Variants in CSTB observed in about 807,000 individuals in gnomAD.
The protein encoded by CSTB is cystatin-B.
A neutral mutation model predicts 7.6 loss-of-function variants in CSTB; 8 were observed. The ratio of observed to expected loss-of-function variants is 1.05; its 90% CI spans 0.62 to 1.89. CSTB has a LOEUF of 1.89. CSTB is among the 40% of genes most tolerant of loss of function. The probability of loss-of-function intolerance (pLI) is 0.00; values close to 1 mark genes in which losing one functional copy is unlikely to be tolerated. For missense variants in CSTB, 124 were observed against 126.4 expected (o/e 0.98, Z 0.09); for synonymous variants, 56 against 55.3 (o/e 1.01, Z -0.06).
chr21:43,776,255 C>A lies in CSTB; in HGVS notation c.15G>T (p.Ala5=), dbSNP rs4533. Residue 5 remains alanine (A), a synonymous_variant, in exon 1 of 3, where the codon GCG becomes GCT. Transcript: ENST00000291568. The stretch of plus-strand genomic sequence containing the variant: ...CGGTGGCCGGCTGCGTGGCGGAGGG[C>A]GCCCCGCACATCATCTTGGCGGCGA... MMCG[A]PSATQPATAE... is the part of the protein sequence containing the mutation. 4,956 of 1,528,018 alleles carry A rather than the reference C, an allele frequency of 3.2e-3. 142 individuals are homozygous for A. In the African/African-American group the frequency reaches 0.056, roughly 17 times the overall value. The allele number at this position is 1,528,018 out of a possible 1,614,324, so 94.7% of individuals were successfully genotyped here.
At chr21:43,774,549 G>A (rs2084000738) in intron 2 of CSTB, 109 bp downstream of exon 2, 2 of 1,165,302 alleles carry the variant, frequency 1.7e-6, no homozygotes, top group Non-Finnish European at 2.6e-6. Context: ...TTATCTCAGG[G>A]GGCAGCCACA....
chr21:43,774,137 C>A lies in CSTB; in HGVS notation c.*65G>T. ...AGCTTATTTTAGGATCACAAGTGCA[C>A]GCTCTGGTAGACGGAGGATGACTTT... On this transcript the variant is annotated 3_prime_UTR_variant, in exon 3 of 3. Transcript: ENST00000291568. 1 of 1,608,382 alleles carries A rather than the reference C, an allele frequency of 6.2e-7. No homozygotes were observed. The highest frequency in any genetic ancestry group is 1.1e-5 in the South Asian group (1 of 90,834).
At chr21:43,775,088 T>C (rs1390080997) in intron 1 of CSTB, 1 of 371,240 alleles carries the variant, frequency 2.7e-6, no homozygotes, top group African/African-American at 2.1e-5. Context: ...CTGGGCGTGG[T>C]GGCGAGCACC....
chr21:43,776,064 A>AG, intron 1 of CSTB, 140 bp downstream of exon 1: 1 of 685,418 alleles, frequency 1.5e-6, no homozygotes, highest in South Asian at 2.3e-5. Context: ...GAGCGGAGGG[A>AG]GGCCTCTCAC....
chr21:43,775,803 T>C (rs1041318512), intron 1 of CSTB: 2 of 193,866 alleles, frequency 1.0e-5, no homozygotes, highest in Non-Finnish European at 2.1e-5. Flanking sequence ...ACCCGCTTGC[T>C]ATCGGATCAC....
At chr21:43,775,927 A>C in intron 1 of CSTB, 2 of 410,108 alleles carry the variant, frequency 4.9e-6, no homozygotes, top group Non-Finnish European at 8.6e-6. Context: ...GAGACTGTCC[A>C]TGCAGGGACC....
At chr21:43,776,011 G>GCCCCAGGCGCGGCC (rs2084008044) in intron 1 of CSTB, 193 bp downstream of exon 1, 1 of 488,864 alleles carries the variant, frequency 2.0e-6, no homozygotes, top group Non-Finnish European at 3.5e-6. Flanking sequence ...CCCCAGCGGC[G>GCCCCAGGCGCGGCC]CCCCAGGCGC....
At chr21:43,774,443 G>A in intron 2 of CSTB, 113 bp from the exon 3 acceptor site, 1 of 1,495,500 alleles carries the variant, frequency 6.7e-7, no homozygotes, top group Non-Finnish European at 9.3e-7. Context: ...CATGTGCAGG[G>A]GATGCCTCAC....
Position 43,774,257 on chromosome 21 carries a change from G to A in CSTB, c.242C>T (p.Thr81Ile). ...QSLPHENKPL[T>I]LSNYQTNKAK... is the part of the protein sequence containing the mutation. ...TTTGTTGGTCTGGTAGTTAGATAAG[G>A]TCAAGGGCTTGTTTTCATGAGGGAG... The change falls in exon 3 of 3, where the codon ACC becomes ATC. Residue 81 changes from threonine (T) to isoleucine (I), a missense_variant. Physicochemically the swap from Thr to Ile is moderately conservative, Grantham distance 89. Transcript: ENST00000291568. 2 of 1,614,206 alleles carry A rather than the reference G, an allele frequency of 1.2e-6. No individual in the cohort carries two copies. The highest frequency in any genetic ancestry group is 1.7e-6 in the Non-Finnish European group (2 of 1,180,030).
Position 43,774,685 on chromosome 21 carries a change from C to T in CSTB, c.141G>A (p.Val47=). The change falls in exon 2 of 3, where the codon GTG becomes GTA. Residue 47 remains valine (V), a synonymous_variant. Transcript: ENST00000291568. ...TGATGAAGTAGTTTGTCCCCGCGACCACCTGGCTCTTGAATGACACGGCCT... is the reference window on the plus strand; with the variant it reads ...TGATGAAGTAGTTTGTCCCCGCGACTACCTGGCTCTTGAATGACACGGCCT... ...VFKAVSFKSQ[V]VAGTNYFIKV... The T allele has an allele frequency of 6.2e-7, 1 of 1,614,172 alleles. No individual in the cohort carries two copies. The highest frequency in any genetic ancestry group is 8.5e-7 in the Non-Finnish European group (1 of 1,180,008).
Position 43,774,251 on chromosome 21 carries a change from GAT to G in CSTB, c.246_247del (p.Leu82PhefsTer2), listed in dbSNP as rs763450239. ...CTTGGCTTTGTTGGTCTGGTAGTTA[GAT>G]AAGGTCAAGGGCTTGTTTTCATGAG... is the stretch of plus-strand genomic sequence containing the variant. On this transcript the variant is annotated frameshift_variant, in exon 3 of 3. Transcript: ENST00000291568. LOFTEE classifies it low-confidence loss of function (END_TRUNC). 1 of 1,614,228 alleles carries G rather than the reference GAT, an allele frequency of 6.2e-7. No homozygotes were observed. Among genetic ancestry groups the G allele is most frequent in the Non-Finnish European group, 8.5e-7 (1 of 1,180,046 alleles).
Position 43,774,017 on chromosome 21 carries a change from G to A in CSTB, c.*185C>T, listed in dbSNP as rs2083997856. ...GTAATTAAGATCACCTATTGGGAAGGAAAGAAATCAACACAATGAAATTTA... is the reference window on the plus strand; with the variant it reads ...GTAATTAAGATCACCTATTGGGAAGAAAAGAAATCAACACAATGAAATTTA... On this transcript the variant is annotated 3_prime_UTR_variant, in exon 3 of 3. Transcript: ENST00000291568. 4.4e-6 allele frequency: 3 copies of A among 685,614 alleles called. No homozygotes were observed. The highest frequency in any genetic ancestry group is 1.7e-5 in the South Asian group (1 of 58,218). The allele number at this position is 685,614 out of a possible 1,614,324, so 42.5% of individuals were successfully genotyped here.
chr21:43,774,769 A>C lies in CSTB; in HGVS notation c.67-10T>G, dbSNP rs199873087. 6.8e-6 allele frequency: 11 copies of C among 1,607,434 alleles called. No individual in the cohort carries two copies. The Admixed American group carries it at 1.0e-4, about 15-fold the overall frequency. On this transcript the variant is annotated splice_polypyrimidine_tract_variant and intron_variant, in intron 1 of 2. Coordinates refer to ENST00000291568, the MANE Select transcript of CSTB (RefSeq NM_000100.4). ...CAAGCTGGGACCTCACCTAGACAGA[A>C]GGGACAGAATGAGGATGTCTCAGTG...
Position 43,774,730 on chromosome 21 carries a change from GTT to G in CSTB, c.94_95del (p.Asn32GlnfsTer7). 1 of 1,614,128 alleles carries G rather than the reference GTT, an allele frequency of 6.2e-7. No individual in the cohort carries two copies. Among genetic ancestry groups the G allele is most frequent in the Non-Finnish European group, 8.5e-7 (1 of 1,179,988 alleles). On this transcript the variant is annotated frameshift_variant, in exon 2 of 3. Coordinates refer to ENST00000291568, the MANE Select transcript of CSTB (RefSeq NM_000100.4). LOFTEE classifies it high-confidence loss of function. ...CGGCCTTAAACACAGGGAACTTCTT[GTT>G]TTCTTTCTCTTCAAGCTGGGACCTC... Reference protein sequence around the residue: ...QVRSQLEEKENKKFPVFKAVS... With the variant: ...QVRSQLEEKEXKKFPVFKAVS...
chr21:43,775,195 C>G, intron 1 of CSTB: 1 of 296,874 alleles, frequency 3.4e-6, no homozygotes, highest in Non-Finnish European at 6.6e-6. Flanking sequence ...TGCACTCCAC[C>G]CTGGGCAAGA....
chr21:43,774,079 C>G lies in CSTB; in HGVS notation c.*123G>C. 1 of 1,289,190 alleles carries G rather than the reference C, an allele frequency of 7.8e-7. No homozygotes were observed. Among genetic ancestry groups the G allele is most frequent in the Non-Finnish European group, 1.1e-6 (1 of 892,562 alleles). 79.9% of individuals were successfully genotyped at this position (1,289,190 alleles called of 1,614,324 possible). On this transcript the variant is annotated 3_prime_UTR_variant, in exon 3 of 3. Coordinates refer to ENST00000291568, the MANE Select transcript of CSTB (RefSeq NM_000100.4). ...GCAAAAGCAGCTGCAGAATCCTGCCCCTTCCACCCCAAGGGGCACAGCCCG... is the reference window on the plus strand; with the variant it reads ...GCAAAAGCAGCTGCAGAATCCTGCCGCTTCCACCCCAAGGGGCACAGCCCG...
intron 2 of CSTB, 81 bp downstream of exon 2, chr21:43,774,577 A>C: frequency 1.5e-6 from 2 of 1,331,350 alleles, no homozygotes; most frequent in Non-Finnish European, 2.2e-6. Flanking sequence ...CCAGCACCTA[A>C]GACCACACAG....
intron 1 of CSTB, 72 bp from the exon 2 acceptor site, chr21:43,774,831 G>A (rs902550302): frequency 2.6e-5 from 28 of 1,059,468 alleles, no homozygotes; most frequent in Non-Finnish European, 3.8e-5. Context: ...TAACTTGCAC[G>A]CATGTGAGCA....
At chr21:43,776,058 G>A in intron 1 of CSTB, 146 bp downstream of exon 1, 2 of 651,802 alleles carry the variant, frequency 3.1e-6, no homozygotes, top group Non-Finnish European at 4.8e-6. Context: ...GCGCCCGAGC[G>A]GAGGGAGGCC....
Sources: allele counts gnomAD v4.1 joint callset, GRCh38; gene constraint gnomAD v4.1.1; transcripts MANE v1.5; gene names NCBI Gene and HGNC (gene_info 2026-07-23, HGNC 2026-07-21).